The following MYZAP variants were observed in gnomAD, a reference collection of about 807,000 sequenced individuals.
The protein encoded by MYZAP is GRINL1A complex locus upstream.
In MYZAP, 66 loss-of-function variants were observed where a neutral mutation model predicts 69.4. The ratio of observed to expected loss-of-function variants is 0.95; its 90% CI spans 0.78 to 1.17. MYZAP has a LOEUF of 1.17. MYZAP is among the 50% of genes most tolerant of loss of function. MYZAP has a pLI of 0.00. For synonymous variants in MYZAP, 256 were observed against 205.9 expected (o/e 1.24, Z -2.09); for missense variants, 611 against 556.2 (o/e 1.10, Z -0.99).
At chr15:57,662,784 C>G (rs2038375295) in intron 11 of MYZAP, among the ~76,000 whole-genome samples, 1 of 152,174 alleles carries the variant, frequency 6.6e-6, no homozygotes, top group Non-Finnish European at 1.5e-5. Flanking sequence ...GATCCAGATC[C>G]TGAGCTCTGA....
chr15:57,621,772 G>T, intron 4 of MYZAP, 72 bp downstream of exon 4: 2 of 1,430,554 alleles, frequency 1.4e-6, no homozygotes, highest in Middle Eastern at 1.8e-4. Flanking sequence ...AGTGGCTAGT[G>T]CCTAAAGATA....
intron 3 of MYZAP, 24 bp from the exon 4 acceptor site, chr15:57,621,584 A>G (rs2035821287): frequency 6.2e-7 from 1 of 1,609,738 alleles, no homozygotes; most frequent in African/African-American, 1.3e-5. Flanking sequence ...CTTGATCTCT[A>G]ACTAGTATCT....
At chr15:57,622,034 A>T (rs2035851776) in intron 4 of MYZAP, among the ~76,000 whole-genome samples, 1 of 152,234 alleles carries the variant, frequency 6.6e-6, no homozygotes, top group Admixed American at 6.5e-5. Flanking sequence ...TGGCATAGGT[A>T]GATGTAAAAC....
At chr15:57,639,395 G>A (rs1373743882) in intron 9 of MYZAP, 45 bp from the exon 10 acceptor site, 2 of 1,600,464 alleles carry the variant, frequency 1.2e-6, no homozygotes, top group Non-Finnish European at 1.7e-6. Context: ...TGCTGTTGCT[G>A]CTTTGGTTTA....
chr15:57,630,712 C>A (rs1457781027), intron 6 of MYZAP, among the ~76,000 whole-genome samples: 1 of 152,166 alleles, frequency 6.6e-6, no homozygotes, highest in African/African-American at 2.4e-5. Context: ...GGAGCAGATC[C>A]ATGAATGGCT....
chr15:57,599,814 C>T, intron 1 of MYZAP: 1 of 761,428 alleles, frequency 1.3e-6, no homozygotes, highest in Admixed American at 2.3e-5. Flanking sequence ...ATGGGTGGTT[C>T]AGGGGTTACT....
chr15:57,646,189 G>T, intron 10 of MYZAP: 1 of 1,289,374 alleles, frequency 7.8e-7, no homozygotes, highest in East Asian at 5.5e-5. Flanking sequence ...TTTGGAAGAT[G>T]ATAAGTTGGT....
chr15:57,675,828 G>A (rs1348001515), intron 12 of MYZAP, among the ~76,000 whole-genome samples: 1 of 152,140 alleles, frequency 6.6e-6, no homozygotes, highest in African/African-American at 2.4e-5. Flanking sequence ...CATAAAACAA[G>A]TTTACAGCAA....
At chr15:57,659,567 C>T (rs529329638) in intron 10 of MYZAP, among the ~76,000 whole-genome samples, 2 of 152,292 alleles carry the variant, frequency 1.3e-5, no homozygotes, top group Non-Finnish European at 2.9e-5. Flanking sequence ...AAAATAACTT[C>T]AGTGTTACTG....
intron 3 of MYZAP, among the ~76,000 whole-genome samples, chr15:57,619,519 A>C (rs1422598981): frequency 6.6e-6 from 1 of 152,098 alleles, no homozygotes; most frequent in African/African-American, 2.4e-5. Flanking sequence ...CTGGGACTGC[A>C]GGTGCGCACC....
At chr15:57,655,754 A>C (rs561395051) in intron 10 of MYZAP, among the ~76,000 whole-genome samples, 1 of 152,246 alleles carries the variant, frequency 6.6e-6, no homozygotes, top group Non-Finnish European at 1.5e-5. Flanking sequence ...CTGAGTTACA[A>C]AGAAACATAC....
At chr15:57,651,863 T>C (rs1307728390) in intron 10 of MYZAP, among the ~76,000 whole-genome samples, 2 of 152,234 alleles carry the variant, frequency 1.3e-5, no homozygotes, top group Non-Finnish European at 2.9e-5. Flanking sequence ...AGCCAAGTCA[T>C]GTTTAGGTAC....
chr15:57,599,642 CT>C, intron 1 of MYZAP: 7 of 1,289,198 alleles, frequency 5.4e-6, no homozygotes, highest in Non-Finnish European at 6.1e-6. Flanking sequence ...TGGGGCATCT[CT>C]GGAGATTGTG....
intron 1 of MYZAP, among the ~76,000 whole-genome samples, chr15:57,602,994 A>G (rs2034513973): frequency 6.6e-6 from 1 of 152,188 alleles, no homozygotes; most frequent in East Asian, 1.9e-4. Context: ...CCCTTCGTCA[A>G]CAGAATATGA....
At chr15:57,647,628 C>T in intron 10 of MYZAP, 4 of 985,374 alleles carry the variant, frequency 4.1e-6, no homozygotes, top group Non-Finnish European at 4.8e-6. Flanking sequence ...ATGAACCGTA[C>T]CTGGAGGCCA....
chr15:57,622,498 A>G (rs1178679830), intron 4 of MYZAP, among the ~76,000 whole-genome samples: 2 of 152,172 alleles, frequency 1.3e-5, no homozygotes, highest in African/African-American at 4.8e-5. Context: ...AGCCTTATTA[A>G]ATGTTAAAAG....
intron 12 of MYZAP, 95 bp downstream of exon 12, chr15:57,675,163 TC>T (rs1184691459): frequency 2.7e-6 from 3 of 1,123,318 alleles, no homozygotes; most frequent in African/African-American, 3.2e-5. Context: ...ATTGCATTCT[TC>T]CTATCACAAA....
At chr15:57,671,000 A>G (rs1188599326) in intron 11 of MYZAP, among the ~76,000 whole-genome samples, 1 of 152,138 alleles carries the variant, frequency 6.6e-6, no homozygotes, top group Non-Finnish European at 1.5e-5. Context: ...TGTACTTTAA[A>G]GAAATTAAGA....
chr15:57,684,347 T>C (rs2039588093), intron 12 of MYZAP, 55 bp from the exon 13 acceptor site: 3 of 1,117,710 alleles, frequency 2.7e-6, no homozygotes, highest in Non-Finnish European at 4.1e-6. Context: ...ATGTGAAGCA[T>C]ATGGGGGGTT....
Sources: allele counts gnomAD v4.1 joint callset (sites outside exome capture counted in the v4.1 genomes callset), GRCh38; gene constraint gnomAD v4.1.1; transcripts MANE v1.5; gene names NCBI Gene and HGNC (gene_info 2026-07-23, HGNC 2026-07-21).